Variants in MACF1 observed in about 807,000 individuals in gnomAD.
MACF1 encodes the protein microtubule-actin cross-linking factor 1.
A neutral mutation model predicts 854.8 loss-of-function variants in MACF1; 193 were observed. The ratio of observed to expected loss-of-function variants is 0.23; its 90% CI spans 0.20 to 0.25. The LOEUF (loss-of-function observed/expected upper bound fraction) is 0.25. Ranked by LOEUF, MACF1 falls within the 10% of genes least tolerant of loss-of-function variation. The pLI is 1.00. For missense variants in MACF1, 7,722 were observed against 8,929.1 expected (o/e 0.86, Z 5.45); for synonymous variants, 3,185 against 3,226.7 (o/e 0.99, Z 0.44).
chr1:39,184,895 T>G (rs1381863355), intron 2 of MACF1, among the ~76,000 whole-genome samples: 1 of 152,198 alleles, frequency 6.6e-6, no homozygotes, highest in African/African-American at 2.4e-5. Context: ...TTGCTGCCTT[T>G]GTGCTTATAA....
intron 97 of MACF1, among the ~76,000 whole-genome samples, chr1:39,475,092 A>T (rs758710094): frequency 6.6e-6 from 1 of 152,166 alleles, no homozygotes; most frequent in Non-Finnish European, 1.5e-5. Flanking sequence ...CCTAGTCCCC[A>T]AGATGTGGTC....
Position 39,129,054 on chromosome 1 carries a change from A to G in MACF1, c.220+44616A>G, listed in dbSNP as rs935300348. The stretch of plus-strand genomic sequence containing the variant: ...CCTACATTTAGCAAGTACTCAGTAA[A>G]TGTTGATGTGATTGGATTTTGTTAG... On this transcript the variant is annotated intron_variant, in intron 2 of 93. Coordinates refer to the MACF1 transcript ENST00000361689. Among the ~76,000 whole-genome samples the G allele has an allele frequency of 2.0e-5, 3 of 152,162 alleles. No individual in the cohort carries two copies. The South Asian group carries it at 6.2e-4, about 31-fold the overall frequency.
chr1:39,251,923 G>A lies in MACF1; in HGVS notation c.339G>A (p.Glu113=), dbSNP rs1331486850. The part of the protein sequence containing the change: ...WCHTNNEEQA[E]EDDDDVPREK... ...ATACAAACAACGAGGAGCAGGCGGA[G>A]GAAGATGATGATGATGTAGTAGGTC... The change falls in exon 4 of 101, where the codon GAG becomes GAA. Residue 113 remains glutamate (E), a synonymous_variant. Transcript: ENST00000564288. 2 of 1,515,280 alleles carry A rather than the reference G, an allele frequency of 1.3e-6. No individual in the cohort carries two copies. The highest frequency in any genetic ancestry group is 1.8e-6 in the Non-Finnish European group (2 of 1,136,902). 93.9% of individuals were successfully genotyped at this position (1,515,280 alleles called of 1,614,324 possible). A position where few individuals can be genotyped will look rare whatever the true frequency, so the allele number is the denominator to read the frequency against.
intron 46 of MACF1, 77 bp downstream of exon 46, chr1:39,358,950 A>G: frequency 6.7e-7 from 1 of 1,501,874 alleles, no homozygotes; most frequent in Non-Finnish European, 9.0e-7. Context: ...AATAAAGCAA[A>G]TGCTTACATA....
At chr1:39,314,339 G>A (rs563079848) in intron 26 of MACF1, among the ~76,000 whole-genome samples, 50 of 151,990 alleles carry the variant, frequency 3.3e-4, no homozygotes, top group Non-Finnish European at 6.8e-4. Flanking sequence ...TACCCGGGAG[G>A]CGGAGGTTGC....
At chr1:39,202,518 C>T (rs554592141), upstream of MACF1, among the ~76,000 whole-genome samples, 100 of 151,522 alleles carry the variant, frequency 6.6e-4, 1 homozygote, top group African/African-American at 2.4e-3. Flanking sequence ...GCCTGTAGTC[C>T]CAGCTGCTCA....
chr1:39,274,969 G>C lies in MACF1; in HGVS notation c.529-7239G>C, dbSNP rs553597586. Among the ~76,000 whole-genome samples the C allele has an allele frequency of 4.5e-4, 68 of 151,598 alleles. 1 individual carries two copies. Among genetic ancestry groups the C allele is most frequent in the Non-Finnish European group, 3.7e-4 (25 of 67,912 alleles). On this transcript the variant is annotated intron_variant, in intron 6 of 100. Transcript: ENST00000564288. Reference sequence around the variant, plus strand: ...CAAACACCCTTGTAGAAAAATAGGGGAAAGCCCAGGAATAAGCAATTCACA... The same window carrying C: ...CAAACACCCTTGTAGAAAAATAGGGCAAAGCCCAGGAATAAGCAATTCACA...
chr1:39,169,719 T>C (rs1403066402), intron 2 of MACF1, among the ~76,000 whole-genome samples: 2 of 151,880 alleles, frequency 1.3e-5, no homozygotes, highest in Non-Finnish European at 2.9e-5. Context: ...TGTTCCTCAT[T>C]GTGTCTTATC....
chr1:39,331,172 CTT>C (rs71060310), intron 36 of MACF1, 29 bp from the exon 37 acceptor site: 21,677 of 1,278,870 alleles, frequency 0.017, 1 homozygote, highest in Non-Finnish European at 0.019. Context: ...TTCTCTTTTC[CTT>C]TTTTTTTTTT....
chr1:39,155,927 G>A (rs1321852374), intron 2 of MACF1, among the ~76,000 whole-genome samples: 4 of 150,404 alleles, frequency 2.7e-5, no homozygotes, highest in East Asian at 2.0e-4. Flanking sequence ...TTGCTCTGTC[G>A]CCCAGGCTGG....
chr1:39,403,191 C>T (rs974397059), intron 58 of MACF1, among the ~76,000 whole-genome samples: 2 of 152,090 alleles, frequency 1.3e-5, no homozygotes, highest in African/African-American at 4.8e-5. Context: ...CTCCACCTCC[C>T]AAGTTCAAGT....
At chr1:39,218,137 C>T (rs1212970139) in intron 1 of MACF1, among the ~76,000 whole-genome samples, 1 of 126,192 alleles carries the variant, frequency 7.9e-6, no homozygotes, top group Non-Finnish European at 1.6e-5. Context: ...GAGCCGAGAT[C>T]ACACCAGTGC....
chr1:39,386,286 G>C (rs1010743875), intron 57 of MACF1, among the ~76,000 whole-genome samples: 2 of 147,746 alleles, frequency 1.4e-5, no homozygotes, highest in African/African-American at 5.1e-5. Flanking sequence ...ACACACACAC[G>C]GTCTCGCTCT....
rs1394995507 is a variant in MACF1, at chr1:39,448,609, C to T, written c.20104C>T (p.Leu6702Phe). The change falls in exon 84 of 101, where the codon CTT becomes TTT. Residue 6702 changes from leucine (L) to phenylalanine (F), a missense_variant. Coordinates refer to ENST00000564288, the MANE Select transcript of MACF1 (RefSeq NM_001394062.1). ...LSKHKEFQKTLGGKQPVYDTT... is the reference protein window; with the variant it reads ...LSKHKEFQKTFGGKQPVYDTT... ...GGAAACATAGGAGTTTCAGAAGACT[C>T]TTGGTGGCAAGCAGCCTGTGTATGA... is the stretch of plus-strand genomic sequence containing the variant. 22 of 1,554,786 alleles carry T rather than the reference C, an allele frequency of 1.4e-5. No individual in the cohort carries two copies. The East Asian group carries it at 5.0e-4, about 36-fold the overall frequency.
chr1:39,240,588 A>G (rs988425533), intron 2 of MACF1, among the ~76,000 whole-genome samples: 1 of 151,986 alleles, frequency 6.6e-6, no homozygotes, highest in Non-Finnish European at 1.5e-5. Flanking sequence ...AGCCTCCGCC[A>G]CCCGGGTTCA....
intron 69 of MACF1, among the ~76,000 whole-genome samples, chr1:39,435,023 A>T (rs1245610292): frequency 6.6e-6 from 1 of 152,238 alleles, no homozygotes; most frequent in African/African-American, 2.4e-5. Flanking sequence ...TGCTCTGTAT[A>T]GTTAATGACA....
intron 71 of MACF1, 60 bp from the exon 72 acceptor site, chr1:39,439,214 T>C: frequency 1.1e-6 from 1 of 948,936 alleles, no homozygotes; most frequent in Non-Finnish European, 1.7e-6. Context: ...AATTTCTGAA[T>C]AGACCAATTT....
chr1:39,112,191 A>G (rs538544033), intron 2 of MACF1, among the ~76,000 whole-genome samples: 1 of 150,116 alleles, frequency 6.7e-6, no homozygotes, highest in South Asian at 2.1e-4. Flanking sequence ...GGTTCAAGTG[A>G]TTCTCCTGCC....
In MACF1 at chr1:39,333,835, G is replaced by A. The variant is rs370362209; in HGVS notation, c.7247G>A (p.Arg2416Gln). 30 of 1,614,030 alleles carry A rather than the reference G, an allele frequency of 1.9e-5. No individual in the cohort carries two copies. Among genetic ancestry groups the A allele is most frequent in the Middle Eastern group, 1.6e-4 (1 of 6,084 alleles). Residue 2416 changes from arginine (R) to glutamine (Q), a missense_variant, in exon 37 of 101, where the codon CGA becomes CAA. Physicochemically the swap from Arg to Gln is conservative, Grantham distance 43. Coordinates refer to ENST00000564288, the MANE Select transcript of MACF1 (RefSeq NM_001394062.1). Reference protein sequence around the residue: ...VVTGGIIDLKRGKKVSVTLAS... With the variant: ...VVTGGIIDLKQGKKVSVTLAS... ...ACTGGTGGAATTATTGATCTGAAAC[G>A]AGGCAAAAAAGTTTCAGTAACTTTG...
Sources: allele counts gnomAD v4.1 joint callset (sites outside exome capture counted in the v4.1 genomes callset), GRCh38; gene constraint gnomAD v4.1.1; transcripts MANE v1.5; gene names NCBI Gene and HGNC (gene_info 2026-07-23, HGNC 2026-07-21).